CDH23: variants seen among roughly 807,000 people sequenced by gnomAD.
CDH23 encodes the protein cadherin-23.
Under a neutral mutation model 317.1 loss-of-function variants are expected in CDH23, and 189 were observed. The ratio of observed to expected loss-of-function variants is 0.60; its 90% CI spans 0.53 to 0.67. CDH23 has a LOEUF of 0.67. CDH23 is among the 30% of genes least tolerant of loss of function. The pLI is 0.00. For missense variants in CDH23, 4,401 were observed against 4,592.4 expected (o/e 0.96, Z 1.20); for synonymous variants, 1,839 against 1,876.8 (o/e 0.98, Z 0.52).
chr10:71,571,330 C>T (rs1024086199), intron 8 of CDH23, among the ~76,000 whole-genome samples: 2 of 152,206 alleles, frequency 1.3e-5, no homozygotes, highest in Admixed American at 6.5e-5. Flanking sequence ...TGAGCACTGC[C>T]AGAGAGGGTG....
intron 66 of CDH23, 110 bp from the exon 67 acceptor site, chr10:71,812,370 A>G: frequency 1.2e-6 from 2 of 1,601,892 alleles, no homozygotes; most frequent in Non-Finnish European, 1.7e-6. Context: ...CAAGTCAGTG[A>G]AAGGCACTAT....
At chr10:71,636,570 A>C (rs527843675) in intron 11 of CDH23, among the ~76,000 whole-genome samples, 17 of 152,268 alleles carry the variant, frequency 1.1e-4, no homozygotes, top group African/African-American at 3.9e-4. Context: ...ACCCCATCCA[A>C]GCTTCCCATG....
Position 71,618,842 on chromosome 10 carries a change from CGT to C in CDH23, c.1134+1462_1134+1463del, listed in dbSNP as rs59138071. ...GTGTGTGCTCAAGTGTGTGTGCACA[CGT>C]GTGTGTGTGTGTACATGTGTGTCTC... On this transcript the variant is annotated intron_variant, in intron 11 of 69. Transcript: ENST00000224721. Among the ~76,000 whole-genome samples, 1,493 of 151,596 alleles carry C rather than the reference CGT, an allele frequency of 9.8e-3. 32 individuals are homozygous for C. Among genetic ancestry groups the C allele is most frequent in the African/African-American group, 0.032 (1,340 of 41,376 alleles).
At position 71,566,834 on chromosome 10, in the gene CDH23, C is replaced by G; in HGVS notation, c.522C>G (p.Pro174=). Residue 174 remains proline (P), a synonymous_variant, in exon 7 of 70, where the codon CCC becomes CCG. Transcript: ENST00000224721. ...GGSVLYSFQP[P]SQFFAIDSAR... ...GCGTCCTCTACTCCTTCCAGCCCCC[C>G]TCCCAATTCTTCGCCATTGACAGCG... is the stretch of plus-strand genomic sequence containing the variant. 6.2e-7 allele frequency: 1 copy of G among 1,614,018 alleles called. No individual in the cohort carries two copies. The highest frequency in any genetic ancestry group is 8.5e-7 in the Non-Finnish European group (1 of 1,179,898).
At position 71,815,455 on chromosome 10, in the gene CDH23, C is replaced by T; in HGVS notation, c.*177C>T. The T allele has an allele frequency of 1.9e-6, 1 of 537,474 alleles. No individual in the cohort carries two copies. Among genetic ancestry groups the T allele is most frequent in the Non-Finnish European group, 3.3e-6 (1 of 306,064 alleles). The allele number at this position is 537,474 out of a possible 1,614,324, so 33.3% of individuals were successfully genotyped here. On this transcript the variant is annotated 3_prime_UTR_variant, in exon 70 of 70. Coordinates refer to ENST00000224721, the MANE Select transcript of CDH23 (RefSeq NM_022124.6). ...TCAGATCCCACTTTTGCCAGACGCT[C>T]ATTCAGCATCTGACCTCTACCTTCA... is the stretch of plus-strand genomic sequence containing the variant.
intron 34 of CDH23, among the ~76,000 whole-genome samples, chr10:71,737,273 C>A (rs1261141364): frequency 6.6e-6 from 1 of 152,148 alleles, no homozygotes; most frequent in Non-Finnish European, 1.5e-5. Flanking sequence ...TAGGTGCCAC[C>A]CCTTCACTTT....
At chr10:71,492,576 C>A (rs1175194812) in intron 3 of CDH23, among the ~76,000 whole-genome samples, 1 of 152,178 alleles carries the variant, frequency 6.6e-6, no homozygotes, top group African/African-American at 2.4e-5. Flanking sequence ...TTTGACATTA[C>A]AAGAACCACA....
chr10:71,540,483 G>C (rs1855926624), intron 6 of CDH23, among the ~76,000 whole-genome samples: 1 of 152,140 alleles, frequency 6.6e-6, no homozygotes, highest in Non-Finnish European at 1.5e-5. Context: ...TGGGGTCTGT[G>C]ACGTTGCTGC....
Position 71,725,515 on chromosome 10 carries a change from G to A in CDH23, c.3574G>A (p.Val1192Ile), listed in dbSNP as rs80028391. 1.6e-3 allele frequency: 2,634 copies of A among 1,612,846 alleles called. 51 individuals carry two copies. The African/African-American group carries it at 0.032, about 20-fold the overall frequency. Residue 1192 changes from valine to isoleucine, a missense_variant, in exon 30 of 70, where the codon GTC becomes ATC. Physicochemically the swap from Val to Ile is conservative, Grantham distance 29 (BLOSUM62 3). Around this residue, in one of 3 missense-constraint regions of CDH23, gnomAD observed 3,068 missense variants for 3,203.3 expected, o/e 0.96. Coordinates refer to ENST00000224721, the MANE Select transcript of CDH23 (RefSeq NM_022124.6). ...CGACCTGGGCCCCATGCGGAGCTCC[G>A]TCAGGGTGAGGCTAGGGGCGGGCTG... is the stretch of plus-strand genomic sequence containing the variant. Reference protein sequence around the residue: ...NHDLGPMRSSVRVIVYVEDIN... With the variant: ...NHDLGPMRSSIRVIVYVEDIN...
intron 3 of CDH23, among the ~76,000 whole-genome samples, chr10:71,453,821 GA>G (rs1301063772): frequency 6.6e-6 from 1 of 152,256 alleles, no homozygotes; most frequent in Admixed American, 6.5e-5. Context: ...ACGGGGATGG[GA>G]GGAGTCCAGT....
chr10:71,790,526 C>T, intron 46 of CDH23, 113 bp downstream of exon 46: 1 of 1,376,754 alleles, frequency 7.3e-7, no homozygotes, highest in Non-Finnish European at 9.8e-7. Context: ...TCCGTGGAGA[C>T]CCCATTTTTC....
intron 6 of CDH23, among the ~76,000 whole-genome samples, chr10:71,517,172 C>T (rs1423140304): frequency 6.6e-6 from 1 of 152,240 alleles, no homozygotes; most frequent in Admixed American, 6.5e-5. Flanking sequence ...GCTCGGCCAG[C>T]TGGTCTACCG....
chr10:71,501,223 C>T (rs148368982), intron 3 of CDH23, among the ~76,000 whole-genome samples: 548 of 152,248 alleles, frequency 3.6e-3, no homozygotes, highest in Non-Finnish European at 6.2e-3. Flanking sequence ...CTGTGTAAGG[C>T]CATTAGGAGA....
At chr10:71,671,161 T>C (rs1268583840) in intron 14 of CDH23, among the ~76,000 whole-genome samples, 7 of 152,000 alleles carry the variant, frequency 4.6e-5, no homozygotes, top group Non-Finnish European at 8.8e-5. Flanking sequence ...GGTTTCACCA[T>C]GTTGACCAGA....
At chr10:71,648,260 A>T (rs1862991852) in intron 14 of CDH23, among the ~76,000 whole-genome samples, 1 of 152,198 alleles carries the variant, frequency 6.6e-6, no homozygotes, top group South Asian at 2.1e-4. Flanking sequence ...TCAGCCTCTC[A>T]GTGCCCAGCC....
intron 1 of CDH23, among the ~76,000 whole-genome samples, chr10:71,430,202 G>A (rs1301148814): frequency 3.9e-5 from 6 of 152,038 alleles, no homozygotes; most frequent in Admixed American, 6.6e-5. Flanking sequence ...GGGATAGGAG[G>A]AAGCTGACTT....
intron 9 of CDH23, among the ~76,000 whole-genome samples, chr10:71,592,271 C>G (rs1165593578): frequency 1.3e-5 from 2 of 152,284 alleles, no homozygotes; most frequent in South Asian, 2.1e-4. Context: ...GGCTCAGGAA[C>G]TAGGAACGAA....
intron 6 of CDH23, among the ~76,000 whole-genome samples, chr10:71,546,401 T>TG (rs1264509469): frequency 2.0e-5 from 3 of 152,176 alleles, no homozygotes; most frequent in Non-Finnish European, 2.9e-5. Context: ...AGCAAGGCAG[T>TG]TGTGGAGTTT....
Position 71,798,401 on chromosome 10 carries a change from T to C in CDH23, c.6877T>C (p.Phe2293Leu), listed in dbSNP as rs1329210385. Residue 2293 changes from phenylalanine to leucine, a missense_variant, in exon 50 of 70, where the codon TTC becomes CTC. Phe to Leu is a conservative substitution (Grantham distance 22). Coordinates refer to ENST00000224721, the MANE Select transcript of CDH23 (RefSeq NM_022124.6). Reference sequence around the variant, plus strand: ...GGACGTCAATGACAATACGCCCCAGTTCAAGCCCTTTGGGATCACCTACTA... The same window carrying C: ...GGACGTCAATGACAATACGCCCCAGCTCAAGCCCTTTGGGATCACCTACTA... ...VLDVNDNTPQ[F>L]KPFGITYYME... is the part of the protein sequence containing the mutation. The C allele has an allele frequency of 1.2e-6, 2 of 1,613,938 alleles. No individual in the cohort carries two copies. Among genetic ancestry groups the C allele is most frequent in the Non-Finnish European group, 1.7e-6 (2 of 1,179,846 alleles).
Sources: gnomAD v4.1 joint callset for allele counts (sites outside exome capture counted in the v4.1 genomes callset) on GRCh38, gnomAD v4.1.1 for gene constraint, gnomAD v4.1.1 regional missense constraint, MANE v1.5 for transcripts, NCBI Gene and HGNC (gene_info 2026-07-23, HGNC 2026-07-21) for gene names.